PRDM16: variants seen among roughly 807,000 people sequenced by gnomAD.
PRDM16 encodes PR/SET domain 16, also known as histone-lysine N-methyltransferase PRDM16.
A neutral mutation model predicts 110.6 loss-of-function variants in PRDM16; 23 were observed. The ratio of observed to expected loss-of-function variants is 0.21; its 90% CI spans 0.15 to 0.29. The LOEUF (loss-of-function observed/expected upper bound fraction) is 0.29, where lower values mean the gene tolerates loss of function less well. Among genes scored for constraint, PRDM16 ranks in the 10% least tolerant of loss-of-function variants. PRDM16 has a pLI of 1.00. For synonymous variants in PRDM16, 799 were observed against 781.8 expected, an observed-to-expected ratio of 1.02 and a Z score of -0.37; for missense variants, 1,615 against 1,794.3, an observed-to-expected ratio of 0.90 and a Z score of 1.81.
At position 3,315,636 on chromosome 1, in the gene PRDM16, C is replaced by A. The variant is rs115326531; in HGVS notation, c.439-69516C>A. On this transcript the variant is annotated intron_variant, in intron 3 of 16. Transcript: ENST00000270722. ...ACAGCCTGGAGAGGAGGGGCCTGAG[C>A]GCTTTTGTCTTTTACATTTTTCATC... Among the ~76,000 whole-genome samples the A allele has an allele frequency of 9.8e-3, 1,494 of 152,244 alleles. 39 individuals carry two copies. Among genetic ancestry groups the A allele is most frequent in the African/African-American group, 0.034 (1,419 of 41,508 alleles).
chr1:3,315,638 C>T (rs1255426320), intron 3 of PRDM16, among the ~76,000 whole-genome samples: 2 of 152,154 alleles, frequency 1.3e-5, no homozygotes, highest in Non-Finnish European at 2.9e-5. Flanking sequence ...GGCCTGAGCG[C>T]TTTTGTCTTT....
rs1252821893 is a variant in PRDM16, at chr1:3,175,330, A to T, written c.38-10795A>T. 6.6e-6 allele frequency among the ~76,000 whole-genome samples: 1 copy of T among 152,188 alleles called. No individual in the cohort carries two copies. The highest frequency in any genetic ancestry group is 1.5e-5 in the Non-Finnish European group (1 of 68,026). Reference sequence around the variant, plus strand: ...ATACTCGGCAGAGATGTAGGTGTACAGAATCCTCTGTGAGGAATGGGAACA... The same window carrying T: ...ATACTCGGCAGAGATGTAGGTGTACTGAATCCTCTGTGAGGAATGGGAACA... On this transcript the variant is annotated intron_variant, in intron 1 of 16. Transcript: ENST00000270722. The surrounding 1 kb of genome is among the most constrained non-coding windows in gnomAD (Gnocchi z 4.8).
intron 4 of PRDM16, among the ~76,000 whole-genome samples, chr1:3,387,186 C>T (rs914113737): frequency 5.3e-5 from 8 of 152,170 alleles, no homozygotes; most frequent in Non-Finnish European, 1.0e-4. Flanking sequence ...CTTTACCCCA[C>T]CGTCATCCCA....
chr1:3,220,884 C>A (rs529229220), intron 2 of PRDM16, among the ~76,000 whole-genome samples: 1 of 152,362 alleles, frequency 6.6e-6, no homozygotes, highest in East Asian at 1.9e-4. Flanking sequence ...GCCAACCTAG[C>A]CCAGCCTTGG....
chr1:3,396,614 C>T (rs370546599), intron 5 of PRDM16, 21 bp downstream of exon 5: 27 of 1,266,274 alleles, frequency 2.1e-5, no homozygotes, highest in Admixed American at 4.2e-5. Flanking sequence ...TCCCCCAAAC[C>T]GGGCCACGGC....
chr1:3,199,133 G>A (rs765779638), intron 2 of PRDM16, among the ~76,000 whole-genome samples: 22 of 152,236 alleles, frequency 1.4e-4, no homozygotes, highest in Middle Eastern at 3.4e-3. Context: ...GCGGGGTGGC[G>A]GCAGAGGGGG....
intron 2 of PRDM16, among the ~76,000 whole-genome samples, chr1:3,210,870 TA>T (rs1254811088): frequency 6.6e-6 from 1 of 152,256 alleles, no homozygotes; most frequent in African/African-American, 2.4e-5. Context: ...TATCTGTTCA[TA>T]TATCTATTAG....
intron 3 of PRDM16, among the ~76,000 whole-genome samples, chr1:3,342,745 C>G (rs1183102075): frequency 6.6e-6 from 1 of 152,216 alleles, no homozygotes; most frequent in Non-Finnish European, 1.5e-5. Flanking sequence ...ACGCATAAGG[C>G]ACTGTTTTGT....
chr1:3,240,666 G>A (rs1480306766), intron 2 of PRDM16, among the ~76,000 whole-genome samples: 2 of 152,202 alleles, frequency 1.3e-5, no homozygotes, highest in East Asian at 1.9e-4. Context: ...TTTGACGGGA[G>A]AGAAACCTTC....
rs1240600515 is a variant in PRDM16 at position 3,209,579 on chromosome 1, T to C, written c.387+23105T>C. On this transcript the variant is annotated intron_variant, in intron 2 of 16. Transcript: ENST00000270722. The surrounding 1 kb of genome is among the most constrained non-coding windows in gnomAD (Gnocchi z 4.6). ...AAAGGAAGCTCCCTGTGGGTGCGCGTGGAAGCTGAGCGCCTCAGTGGAATG... is the reference window on the plus strand; with the variant it reads ...AAAGGAAGCTCCCTGTGGGTGCGCGCGGAAGCTGAGCGCCTCAGTGGAATG... 6.6e-6 allele frequency among the ~76,000 whole-genome samples: 1 copy of C among 152,206 alleles called. No homozygotes were observed. Among genetic ancestry groups the C allele is most frequent in the African/African-American group, 2.4e-5 (1 of 41,444 alleles).
rs757105188 is a variant in PRDM16, at chr1:3,213,383, C to T, written c.387+26909C>T. ...GGAGAGGGGTGTGGGGGCGGGATGG[C>T]GGGTCCTGGGCGTCTCGGCTCCGCC... On this transcript the variant is annotated intron_variant, in intron 2 of 16. Coordinates refer to ENST00000270722, the MANE Select transcript of PRDM16 (RefSeq NM_022114.4). The surrounding 1 kb of genome is among the most constrained non-coding windows in gnomAD (Gnocchi z 5.3). Among the ~76,000 whole-genome samples, 8 of 150,696 alleles carry T rather than the reference C, an allele frequency of 5.3e-5. No individual in the cohort carries two copies. The highest frequency in any genetic ancestry group is 1.2e-4 in the African/African-American group (5 of 40,944).
intron 1 of PRDM16, among the ~76,000 whole-genome samples, chr1:3,173,741 G>T (rs889708259): frequency 1.3e-4 from 20 of 152,222 alleles, no homozygotes; most frequent in African/African-American, 4.6e-4. Flanking sequence ...CCCCTGGTGG[G>T]GTGAATGGCA....
chr1:3,171,942 G>A (rs532296710), intron 1 of PRDM16, among the ~76,000 whole-genome samples: 11 of 152,264 alleles, frequency 7.2e-5, no homozygotes, highest in African/African-American at 2.4e-4. Context: ...CCCGGCCTCC[G>A]CGCCACCGGG....
chr1:3,235,845 T>C (rs186562050), intron 2 of PRDM16, among the ~76,000 whole-genome samples: 3 of 152,280 alleles, frequency 2.0e-5, no homozygotes, highest in Admixed American at 2.0e-4. Context: ...GAAAGGGCTG[T>C]CCTGCCTGTG....
chr1:3,394,567 C>G, intron 4 of PRDM16: 2 of 390,398 alleles, frequency 5.1e-6, no homozygotes, highest in South Asian at 1.8e-5. Flanking sequence ...TGCCCTCTAA[C>G]GGGACCCCTC....
Position 3,359,929 on chromosome 1 carries a change from TC to T in PRDM16, c.439-25221del, listed in dbSNP as rs1246835770. On this transcript the variant is annotated intron_variant, in intron 3 of 16. Coordinates refer to ENST00000270722, the MANE Select transcript of PRDM16 (RefSeq NM_022114.4). The surrounding 1 kb of genome is among the most constrained non-coding windows in gnomAD (Gnocchi z 4.3). ...TGTGCACGCAAAGACGGCAGCCAGC[TC>T]CTCACAGAAGGCCGCCCGGCTCAGA... 2.6e-5 allele frequency among the ~76,000 whole-genome samples: 4 copies of T among 152,276 alleles called. No individual in the cohort carries two copies. Among genetic ancestry groups the T allele is most frequent in the African/African-American group, 9.6e-5 (4 of 41,558 alleles).
intron 3 of PRDM16, among the ~76,000 whole-genome samples, chr1:3,249,111 C>T (rs964873257): frequency 1.1e-4 from 17 of 152,208 alleles, no homozygotes; most frequent in Non-Finnish European, 2.1e-4. Context: ...TAGCCCAGCA[C>T]AGCACCACGC....
chr1:3,089,321 C>A (rs1369717055), intron 1 of PRDM16, among the ~76,000 whole-genome samples: 1 of 152,240 alleles, frequency 6.6e-6, no homozygotes, highest in East Asian at 1.9e-4. Context: ...TTCTAAGAGA[C>A]GTTGGGACCC....
intron 3 of PRDM16, among the ~76,000 whole-genome samples, chr1:3,331,432 G>A (rs1642039893): frequency 6.6e-6 from 1 of 151,332 alleles, no homozygotes; most frequent in African/African-American, 2.4e-5. Context: ...AGGTACAGAG[G>A]GGTTCAAAGC....
Sources: allele counts gnomAD v4.1 joint callset (sites outside exome capture counted in the v4.1 genomes callset), GRCh38; gene constraint gnomAD v4.1.1; non-coding constraint Gnocchi (gnomAD v3.1); transcripts MANE v1.5; gene names NCBI Gene and HGNC (gene_info 2026-07-23, HGNC 2026-07-21).